MIER2: variants seen among roughly 807,000 people sequenced by gnomAD.
MIER2 encodes the protein MIER family member 2, also known as mesoderm induction early response protein 2.
Under a neutral mutation model 67.6 loss-of-function variants are expected in MIER2, and 30 were observed. The observed-to-expected ratio is 0.44, with a 90% CI of 0.33 to 0.60. MIER2 has a LOEUF of 0.60. MIER2 is among the 20% of genes least tolerant of loss of function. The pLI, the probability that MIER2 is intolerant of heterozygous loss-of-function variation, is 0.02. For missense variants in MIER2, 702 were observed against 745.1 expected, an observed-to-expected ratio of 0.94 and a Z score of 0.67; for synonymous variants, 372 against 312.6, an observed-to-expected ratio of 1.19 and a Z score of -2.00.
At chr19:314,827 T>C (rs905705601) in intron 7 of MIER2, among the ~76,000 whole-genome samples, 2 of 152,084 alleles carry the variant, frequency 1.3e-5, no homozygotes, top group African/African-American at 4.8e-5. Flanking sequence ...TGAGGGCTCA[T>C]GTCTGTAATC....
At chr19:310,589 GCAGAAACACA>G (rs1568216529) in intron 10 of MIER2, among the ~76,000 whole-genome samples, 21 of 122,194 alleles carry the variant, frequency 1.7e-4, no homozygotes, top group African/African-American at 3.1e-4. Context: ...GCCGGGAGCT[GCAGAAACACA>G]GCCGGGAGCT....
intron 10 of MIER2, among the ~76,000 whole-genome samples, 160 bp from the exon 11 acceptor site, chr19:309,085 G>A (rs1389879664): frequency 6.6e-6 from 1 of 151,996 alleles, no homozygotes; most frequent in Non-Finnish European, 1.5e-5. Context: ...GACCCTAACA[G>A]GCCACAGGCT....
At chr19:331,015 T>C (rs1036471257) in intron 3 of MIER2, among the ~76,000 whole-genome samples, 6 of 152,158 alleles carry the variant, frequency 3.9e-5, no homozygotes, top group African/African-American at 7.2e-5. Flanking sequence ...GCTGAGGCTG[T>C]ATTTTAACTT....
At chr19:315,353 G>A (rs1031778992) in intron 7 of MIER2, among the ~76,000 whole-genome samples, 10 of 152,230 alleles carry the variant, frequency 6.6e-5, no homozygotes, top group African/African-American at 1.9e-4. Flanking sequence ...CGAGAAGAGC[G>A]AGACTCCGTC....
rs778675415 is a variant in MIER2, at chr19:308,683, C to T, written c.1110-18G>A. On this transcript the variant is annotated intron_variant, in intron 11 of 13. Transcript: ENST00000264819. This position sits in a 1 kb window ranked among gnomAD's most constrained non-coding sequence, Gnocchi z 9.1. ...CTGCGTCCCTGTGGGGAGAGGGCGC[C>T]ATGAGGGGCGGCAGACAGGACAGAC... The T allele has an allele frequency of 3.1e-6, 5 of 1,600,044 alleles. No homozygotes were observed. Among genetic ancestry groups the T allele is most frequent in the Non-Finnish European group, 4.3e-6 (5 of 1,174,678 alleles).
chr19:343,774 G>A (rs1315657192), intron 1 of MIER2: 1 of 913,786 alleles, frequency 1.1e-6, no homozygotes, highest in Non-Finnish European at 1.3e-6. Flanking sequence ...GAGTCCCACT[G>A]ACTGAGCACC....
At chr19:311,975 C>T in intron 9 of MIER2, 36 bp from the exon 10 acceptor site, 2 of 1,594,800 alleles carry the variant, frequency 1.3e-6, no homozygotes, top group Non-Finnish European at 1.7e-6. Context: ...TCAGTGGTGC[C>T]CAGGGCGGGG....
At chr19:316,559 G>C (rs183101304) in intron 7 of MIER2, among the ~76,000 whole-genome samples, 19 of 152,124 alleles carry the variant, frequency 1.2e-4, no homozygotes, top group Middle Eastern at 3.2e-3. Context: ...CAAAGTGCTC[G>C]GATTATAGGC....
rs371657426 is a variant in MIER2, at chr19:313,621, C to G, written c.678G>C (p.Leu226=). Residue 226 remains leucine (L), a synonymous_variant, in exon 8 of 14, where the codon CTG becomes CTC. Transcript: ENST00000264819. ...CAGGGAGGACGCTGGGGTCCCAGAG[C>G]AGCTGGTCTTCGTTCTCGTAGACTG... is the stretch of plus-strand genomic sequence containing the variant. ...CEKIYENEDQ[L]LWDPSVLPER... The G allele has an allele frequency of 6.2e-7, 1 of 1,612,566 alleles. No homozygotes were observed. The highest frequency in any genetic ancestry group is 8.5e-7 in the Non-Finnish European group (1 of 1,179,912).
At chr19:321,279 C>A (rs898340421) in intron 7 of MIER2, among the ~76,000 whole-genome samples, 3 of 152,216 alleles carry the variant, frequency 2.0e-5, no homozygotes, top group East Asian at 1.9e-4. Flanking sequence ...GAGATACATA[C>A]ACACAAGAGA....
At position 327,203 on chromosome 19, in the gene MIER2, T is replaced by C; in HGVS notation, c.423A>G (p.Ser141=). ...CGGACGGGGTGAGGTCGTCAGCAGA[T>C]GATTGCGTCTCTTCCTCTTCTTCCC... ...LSGEEEEETQ[S]SADDLTPSVT... The change falls in exon 5 of 14, where the codon TCA becomes TCG. Residue 141 remains serine (S), a synonymous_variant. Transcript: ENST00000264819. The C allele has an allele frequency of 6.3e-7, 1 of 1,593,088 alleles. No individual in the cohort carries two copies. Among genetic ancestry groups the C allele is most frequent in the Non-Finnish European group, 8.5e-7 (1 of 1,173,892 alleles).
intron 1 of MIER2, chr19:344,363 T>C: frequency 1.0e-6 from 1 of 984,088 alleles, no homozygotes; most frequent in Non-Finnish European, 1.2e-6. Context: ...TCGGCAAAGT[T>C]GGCAAAGGCG....
intron 7 of MIER2, among the ~76,000 whole-genome samples, chr19:314,775 G>A (rs984643536): frequency 3.3e-5 from 5 of 152,126 alleles, no homozygotes; most frequent in African/African-American, 1.2e-4. Context: ...AGCCTAGCAT[G>A]TGAAGGGTGG....
intron 3 of MIER2, among the ~76,000 whole-genome samples, chr19:333,896 G>C (rs1033385086): frequency 6.6e-6 from 1 of 152,050 alleles, no homozygotes; most frequent in Non-Finnish European, 1.5e-5. Context: ...GTTTCACCGT[G>C]TTAGCCAGGA....
At chr19:311,384 G>A (rs1022840541) in intron 10 of MIER2, among the ~76,000 whole-genome samples, 19 of 152,346 alleles carry the variant, frequency 1.2e-4, no homozygotes, top group African/African-American at 4.1e-4. Context: ...AGAAGGCCCC[G>A]GCACTTGGCA....
chr19:324,630 G>A (rs1395085778), intron 7 of MIER2, among the ~76,000 whole-genome samples: 1 of 151,360 alleles, frequency 6.6e-6, no homozygotes, highest in Non-Finnish European at 1.5e-5. Flanking sequence ...CGACTCGAAT[G>A]ACACAGACGT....
At chr19:336,492 A>G (rs777422622) in intron 1 of MIER2, among the ~76,000 whole-genome samples, 18 of 152,226 alleles carry the variant, frequency 1.2e-4, no homozygotes, top group Non-Finnish European at 2.5e-4. Flanking sequence ...GATGAAGCTC[A>G]ACAACAGCAT....
Position 336,113 on chromosome 19 carries a change from G to A in MIER2, c.70C>T (p.Pro24Ser), listed in dbSNP as rs761233569. Residue 24 changes from proline (P) to serine (S), a missense_variant, in exon 2 of 14, where the codon CCA becomes TCA. This residue lies in a region of MIER2 where 320 missense variants were observed against 292.6 expected (regional missense o/e 1.09). Coordinates refer to ENST00000264819, the MANE Select transcript of MIER2 (RefSeq NM_017550.3). ...GTTGTCTGCAAGCCCGGCTCCCCTG[G>A]GCACAGGCTGTGCTCGAGGCAGGAG... Reference protein sequence around the residue: ...VVSCLEHSLCPGEPGLQTTAV... With the variant: ...VVSCLEHSLCSGEPGLQTTAV... The A allele has an allele frequency of 6.2e-7, 1 of 1,613,910 alleles. No individual in the cohort carries two copies. The highest frequency in any genetic ancestry group is 1.1e-5 in the South Asian group (1 of 91,066).
chr19:321,518 G>C (rs1298535418), intron 7 of MIER2, among the ~76,000 whole-genome samples: 1 of 152,068 alleles, frequency 6.6e-6, no homozygotes, highest in Admixed American at 6.6e-5. Flanking sequence ...GGTGGCGGGT[G>C]CCTGTACTCC....
Sources: allele counts gnomAD v4.1 joint callset (sites outside exome capture counted in the v4.1 genomes callset), GRCh38; gene constraint gnomAD v4.1.1; regional missense constraint gnomAD v4.1.1; non-coding constraint Gnocchi (gnomAD v3.1); transcripts MANE v1.5; gene names NCBI Gene and HGNC (gene_info 2026-07-23, HGNC 2026-07-21).